Variants in BMP5 observed in about 807,000 individuals in gnomAD.
BMP5 encodes bone morphogenetic protein 5.
A neutral mutation model predicts 46.6 loss-of-function variants in BMP5; 23 were observed. The ratio of observed to expected loss-of-function variants is 0.49; its 90% CI spans 0.35 to 0.70. BMP5 has a LOEUF of 0.70. Ranked by LOEUF, BMP5 falls within the 30% of genes least tolerant of loss-of-function variation. BMP5 has a pLI of 0.00. For missense variants in BMP5, 545 were observed against 565.6 expected, an observed-to-expected ratio of 0.96 and a Z score of 0.37; for synonymous variants, 204 against 191.9, an observed-to-expected ratio of 1.06 and a Z score of -0.52.
At chr6:55,759,183 A>AAAAAAAAAAAAAAAAAAAAAAAAAAAC (rs1774700306) in intron 5 of BMP5, 68 bp from the exon 6 acceptor site, 1 of 700,676 alleles carries the variant, frequency 1.4e-6, no homozygotes, top group African/African-American at 3.0e-5. Flanking sequence ...AAAAAAAAAA[A>AAAAAAAAAAAAAAAAAAAAAAAAAAAC]CAACAAGAAA....
intron 4 of BMP5, among the ~76,000 whole-genome samples, chr6:55,770,752 C>A (rs1263873959): frequency 6.6e-6 from 1 of 151,800 alleles, no homozygotes; most frequent in Non-Finnish European, 1.5e-5. Flanking sequence ...CATTTGAACA[C>A]TTTTAGGCCA....
intron 3 of BMP5, among the ~76,000 whole-genome samples, chr6:55,781,764 C>T (rs1775323445): frequency 6.6e-6 from 1 of 151,940 alleles, no homozygotes; most frequent in African/African-American, 2.4e-5. Context: ...TGTGCCACCA[C>T]ACCTGGTGAA....
In BMP5 at chr6:55,845,689, C is replaced by T. The variant is rs190027943; in HGVS notation, c.491-25842G>A. 2.9e-3 allele frequency among the ~76,000 whole-genome samples: 437 copies of T among 152,074 alleles called. 3 individuals carry two copies. Among genetic ancestry groups the T allele is most frequent in the African/African-American group, 9.8e-3 (406 of 41,534 alleles). On this transcript the variant is annotated intron_variant, in intron 1 of 6. Coordinates refer to ENST00000370830, the MANE Select transcript of BMP5 (RefSeq NM_021073.4). ...CACAGTGGATTGAGAATTGGTTCCTCTTATACAGGGAGAGAGGTTGTGATG... is the reference window on the plus strand; with the variant it reads ...CACAGTGGATTGAGAATTGGTTCCTTTTATACAGGGAGAGAGGTTGTGATG...
intron 3 of BMP5, among the ~76,000 whole-genome samples, chr6:55,780,527 T>C (rs914222078): frequency 2.7e-5 from 4 of 146,864 alleles, no homozygotes; most frequent in African/African-American, 1.0e-4. Context: ...TGGTAACATA[T>C]AGCAGTAGAA....
At chr6:55,855,906 T>G (rs1777383648) in intron 1 of BMP5, among the ~76,000 whole-genome samples, 1 of 152,220 alleles carries the variant, frequency 6.6e-6, no homozygotes, top group Admixed American at 6.5e-5. Flanking sequence ...CACGGCATAA[T>G]CTGCCTCTGT....
intron 3 of BMP5, among the ~76,000 whole-genome samples, chr6:55,792,262 G>A (rs983422130): frequency 2.0e-5 from 3 of 152,196 alleles, no homozygotes; most frequent in East Asian, 1.9e-4. Flanking sequence ...TGCCGGGCGC[G>A]GTGGCTCACG....
In BMP5 at chr6:55,857,501, G is replaced by A. The variant is rs552751701; in HGVS notation, c.490+16875C>T. ...CTAAAGAGATCAAGGTGCCAAAAGT[G>A]GGTTATGAATATCCTATATCATTGT... is the stretch of plus-strand genomic sequence containing the variant. On this transcript the variant is annotated intron_variant, in intron 1 of 6. Transcript: ENST00000370830. 6.2e-4 allele frequency among the ~76,000 whole-genome samples: 95 copies of A among 152,250 alleles called. 2 individuals carry two copies. The highest frequency in any genetic ancestry group is 2.0e-3 in the African/African-American group (84 of 41,550).
chr6:55,830,287 T>C (rs1300165754), intron 1 of BMP5, among the ~76,000 whole-genome samples: 1 of 152,106 alleles, frequency 6.6e-6, no homozygotes, highest in Admixed American at 6.6e-5. Flanking sequence ...CTACATTTTA[T>C]TGAATGAGAC....
chr6:55,852,554 GTC>G (rs920634681), intron 1 of BMP5, among the ~76,000 whole-genome samples: 63 of 151,668 alleles, frequency 4.2e-4, no homozygotes, highest in African/African-American at 1.4e-3. Context: ...TTTCATCATA[GTC>G]TCTGAGTGCT....
intron 3 of BMP5, among the ~76,000 whole-genome samples, chr6:55,784,864 A>G (rs1310054257): frequency 2.0e-5 from 3 of 151,852 alleles, no homozygotes. Flanking sequence ...TTTATAAAAG[A>G]CTAATTTAAT....
intron 1 of BMP5, among the ~76,000 whole-genome samples, chr6:55,827,398 A>T (rs1008177518): frequency 4.6e-5 from 7 of 151,704 alleles, no homozygotes; most frequent in Non-Finnish European, 7.4e-5. Context: ...TTAAAAAAAA[A>T]CCTGCAGGCT....
chr6:55,793,016 A>G (rs1182311628), intron 3 of BMP5, among the ~76,000 whole-genome samples: 1 of 151,368 alleles, frequency 6.6e-6, no homozygotes, highest in Non-Finnish European at 1.5e-5. Context: ...GATGTTTTTT[A>G]TAAATATTTA....
At chr6:55,834,435 T>G (rs1004181034) in intron 1 of BMP5, among the ~76,000 whole-genome samples, 1 of 152,158 alleles carries the variant, frequency 6.6e-6, no homozygotes, top group East Asian at 1.9e-4. Context: ...GCCTTGCCTC[T>G]TATCTCTGAC....
At chr6:55,811,637 C>T (rs1460278719) in intron 2 of BMP5, among the ~76,000 whole-genome samples, 1 of 151,736 alleles carries the variant, frequency 6.6e-6, no homozygotes, top group African/African-American at 2.4e-5. Context: ...TACACCTCTG[C>T]CCTCTCTCTC....
chr6:55,817,114 G>A (rs1297183315), intron 2 of BMP5, among the ~76,000 whole-genome samples: 3 of 152,152 alleles, frequency 2.0e-5, no homozygotes, highest in South Asian at 4.1e-4. Flanking sequence ...ATGCTGGAGA[G>A]GATGTGGAGA....
At chr6:55,861,825 G>A (rs1777532468) in intron 1 of BMP5, among the ~76,000 whole-genome samples, 1 of 152,164 alleles carries the variant, frequency 6.6e-6, no homozygotes, top group Non-Finnish European at 1.5e-5. Flanking sequence ...ACTTTACAAA[G>A]AATTCAACAC....
intron 4 of BMP5, among the ~76,000 whole-genome samples, chr6:55,768,144 T>C (rs1189750235): frequency 6.6e-6 from 1 of 151,938 alleles, no homozygotes; most frequent in Non-Finnish European, 1.5e-5. Context: ...TAACTTCAAT[T>C]AATTATTTTC....
At chr6:55,863,413 G>A (rs947427605) in intron 1 of BMP5, among the ~76,000 whole-genome samples, 9 of 152,098 alleles carry the variant, frequency 5.9e-5, no homozygotes, top group African/African-American at 2.2e-4. Flanking sequence ...CTAGCTGGGT[G>A]ACTTTTATAA....
intron 1 of BMP5, among the ~76,000 whole-genome samples, chr6:55,870,294 C>A (rs1336189273): frequency 2.0e-5 from 3 of 151,146 alleles, no homozygotes; most frequent in African/African-American, 7.3e-5. Flanking sequence ...TGATAATCAA[C>A]CATCTTTAAA....
Sources: gnomAD v4.1 joint callset for allele counts (sites outside exome capture counted in the v4.1 genomes callset) on GRCh38, gnomAD v4.1.1 for gene constraint, MANE v1.5 for transcripts, NCBI Gene and HGNC (gene_info 2026-07-23, HGNC 2026-07-21) for gene names.